SPATA13: variants seen among roughly 807,000 people sequenced by gnomAD.
The protein encoded by SPATA13 is spermatogenesis-associated protein 13.
SPATA13 carries 50 observed loss-of-function variants against 104.0 expected under a neutral mutation model. The ratio of observed to expected loss-of-function variants is 0.48; its 90% CI spans 0.38 to 0.61. The LOEUF is 0.61. SPATA13 is among the 20% of genes least tolerant of loss of function. SPATA13 has a pLI of 0.00. For synonymous variants in SPATA13, 606 were observed against 667.5 expected (o/e 0.91, Z 1.42); for missense variants, 1,524 against 1,690.6 (o/e 0.90, Z 1.73).
In SPATA13 at chr13:24,278,898, TTCC is replaced by T. The variant is rs1329962979; in HGVS notation, c.2165-5235_2165-5233del. The T allele has an allele frequency of 1.9e-3, 2,217 of 1,156,934 alleles. 36 individuals are homozygous for T. In the African/African-American group the frequency reaches 0.034, roughly 18 times the overall value. 71.7% of individuals were successfully genotyped at this position (1,156,934 alleles called of 1,614,324 possible). A position where few individuals can be genotyped will look rare whatever the true frequency, so the allele number is the denominator to read the frequency against. On this transcript the variant is annotated intron_variant, in intron 4 of 12. Coordinates refer to ENST00000382108, the MANE Select transcript of SPATA13 (RefSeq NM_001166271.3). ...TTTCCTTCCTTCCTTCCTTCCTTCC[TTCC>T]TTCCTTCCTTCCTTCCTTCCTTCCC...
At chr13:24,078,588 T>C (rs877039) in intron 3 of SPATA13, among the ~76,000 whole-genome samples, 18,237 of 152,216 alleles carry the variant, frequency 0.12, 1,725 homozygotes, top group African/African-American at 0.26. Context: ...AGCATGGTGC[T>C]GACAGCAGCA....
chr13:24,004,910 G>A (rs1876155399), intron 2 of SPATA13, among the ~76,000 whole-genome samples: 1 of 152,044 alleles, frequency 6.6e-6, no homozygotes, highest in Non-Finnish European at 1.5e-5. Flanking sequence ...GCACATCTTG[G>A]CTTTAGCTGT....
At chr13:24,039,221 C>T (rs1183518267) in intron 3 of SPATA13, among the ~76,000 whole-genome samples, 1 of 152,182 alleles carries the variant, frequency 6.6e-6, no homozygotes, top group Non-Finnish European at 1.5e-5. Flanking sequence ...CTTGATTGTT[C>T]CACTTTTAAT....
At chr13:24,129,598 G>A (rs1881331422) in intron 3 of SPATA13, among the ~76,000 whole-genome samples, 2 of 152,234 alleles carry the variant, frequency 1.3e-5, no homozygotes, top group Non-Finnish European at 2.9e-5. Flanking sequence ...TGAAGTCAGA[G>A]GAGACGGGCA....
intron 1 of SPATA13, among the ~76,000 whole-genome samples, chr13:24,191,490 T>C (rs1383428280): frequency 3.4e-5 from 5 of 147,640 alleles, no homozygotes; most frequent in Non-Finnish European, 7.4e-5. Flanking sequence ...TTTCTCACTA[T>C]ACATTGCTTT....
chr13:24,272,311 G>T (rs1050019623), intron 4 of SPATA13, among the ~76,000 whole-genome samples: 2 of 152,212 alleles, frequency 1.3e-5, no homozygotes, highest in African/African-American at 4.8e-5. Flanking sequence ...GAAACAGCAT[G>T]CCAGAATCTG....
intron 4 of SPATA13, among the ~76,000 whole-genome samples, chr13:24,259,309 GGCC>G (rs1476437468): frequency 2.0e-5 from 3 of 152,236 alleles, no homozygotes; most frequent in African/African-American, 4.8e-5. Context: ...CCACCCACGT[GGCC>G]GCCAAGTGGA....
intron 1 of SPATA13, among the ~76,000 whole-genome samples, chr13:24,189,574 T>C (rs1429485153): frequency 7.8e-6 from 1 of 128,140 alleles, no homozygotes; most frequent in African/African-American, 3.0e-5. Flanking sequence ...ATTACATACA[T>C]ACTATGTATG....
chr13:24,179,842 T>C (rs568970981), intron 1 of SPATA13, among the ~76,000 whole-genome samples: 1 of 152,224 alleles, frequency 6.6e-6, no homozygotes, highest in South Asian at 2.1e-4. Context: ...TCTTTGCTCA[T>C]TTTTTAATTG....
At position 24,237,541 on chromosome 13, in the gene SPATA13, G is replaced by T. The variant is rs1245589855; in HGVS notation, c.1654-11936G>T. On this transcript the variant is annotated intron_variant, in intron 2 of 12. Coordinates refer to ENST00000382108, the MANE Select transcript of SPATA13 (RefSeq NM_001166271.3). The stretch of plus-strand genomic sequence containing the variant: ...AGAGTAGTCATTGCCAGGGGCTGTG[G>T]GGGAAGAGAGTATTTAATGGGTTCA... Among the ~76,000 whole-genome samples the T allele has an allele frequency of 2.0e-5, 3 of 152,284 alleles. No individual in the cohort carries two copies. The East Asian group carries it at 5.8e-4, about 29-fold the overall frequency.
At chr13:24,264,064 A>G (rs1045097051) in intron 4 of SPATA13, among the ~76,000 whole-genome samples, 23 of 152,212 alleles carry the variant, frequency 1.5e-4, no homozygotes, top group African/African-American at 4.8e-4. Flanking sequence ...TTCATGCCTC[A>G]TTGTTGCCTA....
chr13:24,264,773 T>A (rs559827319), intron 4 of SPATA13, among the ~76,000 whole-genome samples: 24 of 152,310 alleles, frequency 1.6e-4, no homozygotes, highest in African/African-American at 5.3e-4. Context: ...CCCTGAAGGA[T>A]GAAAAATCCA....
At chr13:24,289,313 TTCTA>T in intron 8 of SPATA13, 135 bp downstream of exon 8, 2 of 705,258 alleles carry the variant, frequency 2.8e-6, no homozygotes, top group Non-Finnish European at 2.3e-6. Flanking sequence ...GAGATGTTTC[TTCTA>T]TCTTATATGC....
chr13:24,148,914 G>A (rs949203402), intron 3 of SPATA13, among the ~76,000 whole-genome samples: 3 of 152,112 alleles, frequency 2.0e-5, no homozygotes, highest in Non-Finnish European at 4.4e-5. Flanking sequence ...GTTTCCATGA[G>A]TGTTTGTTTA....
At chr13:24,293,136 G>A (rs1876522913) in intron 9 of SPATA13, among the ~76,000 whole-genome samples, 1 of 150,290 alleles carries the variant, frequency 6.7e-6, no homozygotes, top group Non-Finnish European at 1.5e-5. Flanking sequence ...TAGGACTAAA[G>A]GAATTAGAAA....
chr13:24,260,733 C>G (rs1874022018), intron 4 of SPATA13, among the ~76,000 whole-genome samples: 2 of 152,114 alleles, frequency 1.3e-5, no homozygotes, highest in African/African-American at 4.8e-5. Flanking sequence ...GATTGTTTCG[C>G]CAGTGTCTCT....
intron 3 of SPATA13, among the ~76,000 whole-genome samples, chr13:24,038,926 C>A (rs540256497): frequency 6.6e-6 from 1 of 152,290 alleles, no homozygotes; most frequent in South Asian, 2.1e-4. Flanking sequence ...TCCAGAGAAA[C>A]CTGCTCATCC....
chr13:23,987,397 G>A (rs984748260), intron 2 of SPATA13, among the ~76,000 whole-genome samples: 2 of 152,192 alleles, frequency 1.3e-5, no homozygotes, highest in Admixed American at 6.5e-5. Flanking sequence ...TCCCATGATG[G>A]TGGAGTTATA....
intron 3 of SPATA13, among the ~76,000 whole-genome samples, chr13:24,147,668 T>C (rs1881975954): frequency 6.6e-6 from 1 of 152,140 alleles, no homozygotes. Context: ...GTCTATTAAG[T>C]ACATTTATAT....
Sources: gnomAD v4.1 joint callset for allele counts (sites outside exome capture counted in the v4.1 genomes callset) on GRCh38, gnomAD v4.1.1 for gene constraint, MANE v1.5 for transcripts, NCBI Gene and HGNC (gene_info 2026-07-23, HGNC 2026-07-21) for gene names.